The following DMD variants were observed in gnomAD, a reference collection of about 807,000 sequenced individuals.
DMD encodes the protein mutant dystrophin.
Under a neutral mutation model 330.1 loss-of-function variants are expected in DMD, and 63 were observed. That is an observed-to-expected ratio of 0.19 (90% CI 0.16 to 0.24). DMD has a LOEUF of 0.24. Among genes scored for constraint, DMD ranks in the 10% least tolerant of loss-of-function variants. DMD has a pLI of 1.00. For missense variants in DMD, 3,344 were observed against 2,684.1 expected (o/e 1.25, Z -5.43); for synonymous variants, 1,223 against 959.8 (o/e 1.27, Z -5.07).
At chrX:31,676,056 G>C (rs1476813647) in intron 53 of DMD, among the ~76,000 whole-genome samples, 4 of 112,085 alleles carry the variant, frequency 3.6e-5, no homozygotes, top group Non-Finnish European at 7.5e-5. Context: ...TCAGTAGTGA[G>C]AGTTAGTGTA....
At chrX:32,236,128 C>G (rs1366852999) in intron 43 of DMD, among the ~76,000 whole-genome samples, 2 of 111,612 alleles carry the variant, frequency 1.8e-5, no homozygotes, top group Admixed American at 1.9e-4. Flanking sequence ...CATTTAAAGA[C>G]CGGTGAAGTG....
intron 55 of DMD, among the ~76,000 whole-genome samples, chrX:31,526,740 ATTCTC>A (rs1325521649): frequency 8.9e-6 from 1 of 111,738 alleles, no homozygotes; most frequent in African/African-American, 3.3e-5. Context: ...TTTAATCCTC[ATTCTC>A]TTCTATCTGT....
intron 9 of DMD, among the ~76,000 whole-genome samples, chrX:32,695,514 C>T (rs1033605320): frequency 1.0e-4 from 11 of 110,035 alleles, no homozygotes; most frequent in South Asian, 3.9e-4. Context: ...CAAAATTAAG[C>T]GAAAAAAATT....
At chrX:31,422,043 A>ATATAT (rs1556630715) in intron 60 of DMD, among the ~76,000 whole-genome samples, 61 of 28,764 alleles carry the variant, frequency 2.1e-3, no homozygotes, top group South Asian at 2.3e-3. Flanking sequence ...ATATATATAT[A>ATATAT]TTTTTTTTTT....
At chrX:32,968,873 C>T (rs905297995) in intron 2 of DMD, among the ~76,000 whole-genome samples, 1 of 106,493 alleles carries the variant, frequency 9.4e-6, no homozygotes, top group Non-Finnish European at 1.9e-5. Context: ...ACTAAAAATA[C>T]AAAAAATTAG....
chrX:32,262,849 C>A (rs2148289759), intron 43 of DMD, among the ~76,000 whole-genome samples: 1 of 111,939 alleles, frequency 8.9e-6, no homozygotes, highest in Non-Finnish European at 1.9e-5. Context: ...CAATGGTCCA[C>A]CTTCCTTGCT....
At chrX:32,669,246 A>C (rs2061491378) in intron 9 of DMD, among the ~76,000 whole-genome samples, 1 of 111,659 alleles carries the variant, frequency 9.0e-6, no homozygotes, top group Non-Finnish European at 1.9e-5. Context: ...ACTTATACTT[A>C]AAAATCCCTC....
chrX:32,001,186 C>T (rs779850370), intron 44 of DMD, among the ~76,000 whole-genome samples: 2 of 110,896 alleles, frequency 1.8e-5, no homozygotes, highest in South Asian at 7.7e-4. Context: ...TGATCACGGA[C>T]GTGGTTGTAG....
At chrX:32,726,936 A>T (rs2066955332) in intron 7 of DMD, among the ~76,000 whole-genome samples, 1 of 110,649 alleles carries the variant, frequency 9.0e-6, no homozygotes, top group African/African-American at 3.3e-5. Flanking sequence ...AAAGGACACC[A>T]AAAGTGAGCC....
At chrX:32,907,767 C>G (rs186682221) in intron 2 of DMD, among the ~76,000 whole-genome samples, 1 of 112,089 alleles carries the variant, frequency 8.9e-6, no homozygotes, top group East Asian at 2.8e-4. Flanking sequence ...TGACAAAATA[C>G]TTTTGAATAC....
At chrX:32,707,093 G>A (rs2064743317) in intron 7 of DMD, among the ~76,000 whole-genome samples, 1 of 100,575 alleles carries the variant, frequency 9.9e-6, no homozygotes, top group Non-Finnish European at 1.9e-5. Context: ...CTCCGTCTCG[G>A]AGGGGGTAAA....
At chrX:32,154,448 CAAAT>C (rs1374965323) in intron 44 of DMD, among the ~76,000 whole-genome samples, 2 of 112,168 alleles carry the variant, frequency 1.8e-5, no homozygotes, top group Non-Finnish European at 3.8e-5. Context: ...GTATGCAACT[CAAAT>C]AACTTGTTAC....
chrX:33,288,388 A>G (rs2053465215), intron 1 of DMD, among the ~76,000 whole-genome samples: 1 of 111,310 alleles, frequency 9.0e-6, no homozygotes, highest in Non-Finnish European at 1.9e-5. Context: ...TGCAAACTTC[A>G]TCTAACCTTA....
Position 31,478,196 on chromosome X carries a change from C to T in DMD, c.8847G>A (p.Lys2949=), listed in dbSNP as rs185664502. Residue 2949 remains lysine, a synonymous_variant, in exon 59 of 79, where the codon AAG becomes AAA. Transcript: ENST00000357033. ...CCTTGATCACCTCAGCTTGGCGCAG[C>T]TTGAGGTCCAGCTCATCCGTGGCCT... The part of the protein sequence containing the change: ...LQEATDELDL[K]LRQAEVIKGS... 7.4e-6 allele frequency: 9 copies of T among 1,209,093 alleles called. No individual in the cohort carries two copies. The highest frequency in any genetic ancestry group is 2.3e-4 in the Middle Eastern group (1 of 4,353).
chrX:31,925,398 T>TA (rs1193442170), intron 47 of DMD, among the ~76,000 whole-genome samples: 1 of 110,788 alleles, frequency 9.0e-6, no homozygotes, highest in Non-Finnish European at 1.9e-5. Flanking sequence ...AATGGGTAGT[T>TA]AAAAAAATAC....
At chrX:31,313,078 GTT>G (rs201377960) in intron 62 of DMD, among the ~76,000 whole-genome samples, 3 of 86,895 alleles carry the variant, frequency 3.5e-5, no homozygotes, top group African/African-American at 1.2e-4. Flanking sequence ...TTTTTGGTGT[GTT>G]TTTTTTTTTT....
chrX:33,150,482 T>TG (rs920327695), intron 1 of DMD, among the ~76,000 whole-genome samples: 10 of 109,142 alleles, frequency 9.2e-5, no homozygotes, highest in African/African-American at 3.3e-4. Flanking sequence ...TTAGTAGAGT[T>TG]GGGGTTTCGC....
chrX:32,491,137 A>T (rs953517311), intron 20 of DMD, 140 bp downstream of exon 20: 1 of 770,152 alleles, frequency 1.3e-6, no homozygotes, highest in Non-Finnish European at 1.9e-6. Flanking sequence ...TCTGTTGCTT[A>T]CATTTTGAAC....
chrX:32,083,283 T>TC (rs2096407267), intron 44 of DMD, among the ~76,000 whole-genome samples: 2 of 110,677 alleles, frequency 1.8e-5, no homozygotes, highest in Admixed American at 9.6e-5. Flanking sequence ...TTTTTTTTTT[T>TC]TCTTTTTTTG....
Sources: gnomAD v4.1 joint callset for allele counts (sites outside exome capture counted in the v4.1 genomes callset) on GRCh38, gnomAD v4.1.1 for gene constraint, MANE v1.5 for transcripts, NCBI Gene and HGNC (gene_info 2026-07-23, HGNC 2026-07-21) for gene names.